The following PTPN4 variants were observed in gnomAD, a reference collection of about 807,000 sequenced individuals.
The protein encoded by PTPN4 is tyrosine-protein phosphatase non-receptor type 4.
In PTPN4, 49 loss-of-function variants were observed where a neutral mutation model predicts 135.5. That is an observed-to-expected ratio of 0.36 (90% CI 0.29 to 0.46). PTPN4 has a LOEUF of 0.46. PTPN4 is among the 20% of genes least tolerant of loss of function. The pLI is 1.00. For synonymous variants in PTPN4, 333 were observed against 369.9 expected (o/e 0.90, Z 1.14); for missense variants, 860 against 1,101.0 (o/e 0.78, Z 3.10).
At chr2:119,813,709 G>A (rs1676938378) in intron 2 of PTPN4, among the ~76,000 whole-genome samples, 1 of 152,178 alleles carries the variant, frequency 6.6e-6, no homozygotes, top group African/African-American at 2.4e-5. Context: ...ACTGCATCTT[G>A]ATAAAAAGTG....
At chr2:119,909,554 A>G (rs573419867) in intron 10 of PTPN4, among the ~76,000 whole-genome samples, 1 of 152,322 alleles carries the variant, frequency 6.6e-6, no homozygotes, top group Admixed American at 6.5e-5. Context: ...CTGTCACAAT[A>G]TGAATTCTGT....
At chr2:119,874,724 A>G (rs1233226356) in intron 3 of PTPN4, among the ~76,000 whole-genome samples, 1 of 152,182 alleles carries the variant, frequency 6.6e-6, no homozygotes, top group African/African-American at 2.4e-5. Context: ...GGAATATACT[A>G]AAGTATAATG....
intron 3 of PTPN4, among the ~76,000 whole-genome samples, chr2:119,871,160 ACT>A (rs1449570447): frequency 1.4e-5 from 2 of 147,818 alleles, no homozygotes; most frequent in African/African-American, 5.0e-5. Context: ...CAATGATAAC[ACT>A]CTTTGCATAC....
intron 9 of PTPN4, among the ~76,000 whole-genome samples, chr2:119,895,015 C>T (rs1055618517): frequency 1.3e-5 from 2 of 152,078 alleles, no homozygotes; most frequent in Non-Finnish European, 2.9e-5. Context: ...ACTGAAACTC[C>T]ATTCTTTAAA....
Position 119,945,177 on chromosome 2 carries a change from A to T in PTPN4, c.1452A>T (p.Gln484His). The change falls in exon 16 of 27, where the codon CAA becomes CAT. Residue 484 changes from glutamine to histidine, a missense_variant. By Grantham distance (24) the Gln-to-His change is conservative. Around this residue, in one of 2 missense-constraint regions of PTPN4, gnomAD observed 684 missense variants for 807.0 expected, o/e 0.85. Coordinates refer to ENST00000263708, the MANE Select transcript of PTPN4 (RefSeq NM_002830.4). The part of the protein sequence containing the change: ...SWNQIHYSHS[Q>H]QDLESHINET... Reference sequence around the variant, plus strand: ...ACCAAATTCATTATTCACATTCGCAACAAGATCTAGAAAGTCATATTAATG... The same window carrying T: ...ACCAAATTCATTATTCACATTCGCATCAAGATCTAGAAAGTCATATTAATG... 6.3e-7 allele frequency: 1 copy of T among 1,596,840 alleles called. No homozygotes were observed. Among genetic ancestry groups the T allele is most frequent in the East Asian group, 2.3e-5 (1 of 43,592 alleles).
At chr2:119,894,710 TAA>T (rs1023352187) in intron 9 of PTPN4, among the ~76,000 whole-genome samples, 5 of 152,172 alleles carry the variant, frequency 3.3e-5, no homozygotes, top group Non-Finnish European at 7.4e-5. Flanking sequence ...TCATGTTTTA[TAA>T]AGAGTTCCCC....
At chr2:119,946,314 C>T (rs766444001) in intron 16 of PTPN4, 27 bp from the exon 17 acceptor site, 5 of 1,493,932 alleles carry the variant, frequency 3.3e-6, no homozygotes, top group African/African-American at 2.8e-5. Flanking sequence ...AAGAAAATTA[C>T]AAGTTATTTA....
At chr2:119,885,768 A>G in intron 8 of PTPN4, 27 bp from the exon 9 acceptor site, 1 of 1,464,214 alleles carries the variant, frequency 6.8e-7, no homozygotes, top group Non-Finnish European at 9.3e-7. Context: ...GATTGATCTC[A>G]TTTTTAACTT....
rs535001559 is a variant in PTPN4, at chr2:119,833,570, T to TTA, written c.138+23582_138+23583dup. Among the ~76,000 whole-genome samples, 164 of 152,320 alleles carry TTA rather than the reference T, an allele frequency of 1.1e-3. 1 individual carries two copies. In the South Asian group the frequency reaches 0.011, roughly 11 times the overall value. ...TTAATAAATTGATTACTCTTGTGTC[T>TTA]TATAATTTTGTATTGTGACCTGGTC... On this transcript the variant is annotated intron_variant, in intron 2 of 26. Coordinates refer to ENST00000263708, the MANE Select transcript of PTPN4 (RefSeq NM_002830.4).
intron 1 of PTPN4, among the ~76,000 whole-genome samples, chr2:119,766,172 G>A (rs951144330): frequency 6.6e-6 from 1 of 152,060 alleles, no homozygotes; most frequent in African/African-American, 2.4e-5. Flanking sequence ...AATAGCATTT[G>A]TGGCTTATCC....
intron 12 of PTPN4, among the ~76,000 whole-genome samples, chr2:119,925,210 C>T (rs1279447025): frequency 6.6e-6 from 1 of 152,144 alleles, no homozygotes; most frequent in Non-Finnish European, 1.5e-5. Flanking sequence ...CTGCCAGCAG[C>T]TGCCAGTTTC....
chr2:119,797,376 A>G (rs764063718), intron 1 of PTPN4, among the ~76,000 whole-genome samples: 30 of 152,168 alleles, frequency 2.0e-4, no homozygotes, highest in Non-Finnish European at 3.1e-4. Flanking sequence ...TGCTAGCTTT[A>G]TAGTAAGTCT....
At chr2:119,952,913 T>C (rs1558773392) in intron 19 of PTPN4, among the ~76,000 whole-genome samples, 1 of 152,210 alleles carries the variant, frequency 6.6e-6, no homozygotes, top group Non-Finnish European at 1.5e-5. Flanking sequence ...GCTCAAACTA[T>C]AAATTGAACT....
intron 2 of PTPN4, among the ~76,000 whole-genome samples, chr2:119,813,342 G>A (rs1676930118): frequency 6.6e-6 from 1 of 151,814 alleles, no homozygotes; most frequent in Non-Finnish European, 1.5e-5. Flanking sequence ...CCGTCTCCCA[G>A]GTTCGAGCGA....
intron 9 of PTPN4, among the ~76,000 whole-genome samples, chr2:119,886,424 A>T (rs1678155597): frequency 6.6e-6 from 1 of 152,172 alleles, no homozygotes; most frequent in Non-Finnish European, 1.5e-5. Context: ...CTTGTGTCAA[A>T]CATTGCTGCC....
At chr2:119,820,876 T>TAC (rs989388689) in intron 2 of PTPN4, among the ~76,000 whole-genome samples, 4 of 131,922 alleles carry the variant, frequency 3.0e-5, no homozygotes, top group South Asian at 5.3e-4. Flanking sequence ...CAGCTTTACA[T>TAC]ACACACATGT....
intron 12 of PTPN4, among the ~76,000 whole-genome samples, chr2:119,925,087 A>G (rs1574407171): frequency 6.6e-6 from 1 of 152,128 alleles, no homozygotes. Context: ...TTAATTTTCC[A>G]GTGAAGAAAA....
chr2:119,953,600 A>C (rs925416697), intron 19 of PTPN4, among the ~76,000 whole-genome samples: 3 of 152,190 alleles, frequency 2.0e-5, no homozygotes, highest in Admixed American at 6.6e-5. Context: ...ACCAGGAATA[A>C]CATTTTTTTC....
chr2:119,776,214 T>C (rs1050473796), intron 1 of PTPN4, among the ~76,000 whole-genome samples: 3 of 152,294 alleles, frequency 2.0e-5, no homozygotes, highest in Non-Finnish European at 2.9e-5. Flanking sequence ...CTCAGTCCGT[T>C]GCCCAGGCTG....
Sources: allele counts gnomAD v4.1 joint callset (sites outside exome capture counted in the v4.1 genomes callset), GRCh38; gene constraint gnomAD v4.1.1; regional missense constraint gnomAD v4.1.1; transcripts MANE v1.5; gene names NCBI Gene and HGNC (gene_info 2026-07-23, HGNC 2026-07-21).